PRKCQ: variants seen among roughly 807,000 people sequenced by gnomAD.
PRKCQ encodes the protein protein kinase C theta, also known as protein kinase C theta type.
PRKCQ carries 41 observed loss-of-function variants against 91.2 expected under a neutral mutation model. The ratio of observed to expected loss-of-function variants is 0.45; its 90% CI spans 0.35 to 0.58. The LOEUF (loss-of-function observed/expected upper bound fraction) is 0.58, where lower values mean the gene tolerates loss of function less well. Ranked by LOEUF, PRKCQ falls within the 20% of genes least tolerant of loss-of-function variation. The pLI, the probability that PRKCQ is intolerant of heterozygous loss-of-function variation, is 0.00. For missense variants in PRKCQ, 673 were observed against 896.5 expected (o/e 0.75, Z 3.18); for synonymous variants, 307 against 316.9 (o/e 0.97, Z 0.33).
At chr10:6,399,310 T>A in the PRKCQ span, among the ~76,000 whole-genome samples, 1 of 152,254 alleles carries the variant, frequency 6.6e-6, no homozygotes, top group African/African-American at 2.4e-5. Context: ...TATTTAAACA[T>A]AAACACACAG....
intron 12 of PRKCQ, among the ~76,000 whole-genome samples, chr10:6,475,827 C>T (rs1198997905): frequency 2.6e-5 from 4 of 152,206 alleles, no homozygotes; most frequent in Non-Finnish European, 5.9e-5. Flanking sequence ...AACAACAACT[C>T]GGGGTGTTGG....
the PRKCQ span, among the ~76,000 whole-genome samples, chr10:6,401,996 T>A: frequency 6.6e-6 from 1 of 152,110 alleles, no homozygotes; most frequent in African/African-American, 2.4e-5. Flanking sequence ...TCTGCCTCCC[T>A]CTAGTGACTC....
intron 16 of PRKCQ, among the ~76,000 whole-genome samples, chr10:6,433,047 A>G (rs1833499301): frequency 6.6e-6 from 1 of 152,150 alleles, no homozygotes; most frequent in African/African-American, 2.4e-5. Context: ...TGATCACCCT[A>G]TCATACATCA....
At chr10:6,547,579 A>G (rs530171928) in intron 1 of PRKCQ, among the ~76,000 whole-genome samples, 4 of 150,390 alleles carry the variant, frequency 2.7e-5, no homozygotes, top group East Asian at 3.9e-4. Flanking sequence ...ATAAGGCCAC[A>G]TATCTACAAC....
chr10:6,401,702 C>T, the PRKCQ span, among the ~76,000 whole-genome samples: 1 of 152,158 alleles, frequency 6.6e-6, no homozygotes, highest in African/African-American at 2.4e-5. Flanking sequence ...TGCTGAGTCA[C>T]GCTGTCTGCT....
At chr10:6,534,985 T>C (rs1588394425) in intron 1 of PRKCQ, among the ~76,000 whole-genome samples, 1 of 152,286 alleles carries the variant, frequency 6.6e-6, no homozygotes, top group Admixed American at 6.5e-5. Context: ...ATATATTTAT[T>C]CGGTTTGAAG....
intron 1 of PRKCQ, among the ~76,000 whole-genome samples, chr10:6,529,943 C>G (rs1349738752): frequency 1.3e-5 from 2 of 152,182 alleles, no homozygotes; most frequent in Non-Finnish European, 2.9e-5. Flanking sequence ...CATGAAAATA[C>G]CATAGGAACT....
chr10:6,514,569 C>A (rs547739342), intron 2 of PRKCQ, among the ~76,000 whole-genome samples: 3 of 152,316 alleles, frequency 2.0e-5, no homozygotes, highest in African/African-American at 7.2e-5. Context: ...ATTATAGATG[C>A]TTTGTAATAT....
intron 1 of PRKCQ, among the ~76,000 whole-genome samples, chr10:6,564,296 C>T (rs1002917507): frequency 2.6e-5 from 4 of 152,138 alleles, no homozygotes; most frequent in Admixed American, 1.3e-4. Context: ...GGAAACTAAA[C>T]GAGGTCCTCT....
chr10:6,398,514 C>T, the PRKCQ span, among the ~76,000 whole-genome samples: 1 of 152,178 alleles, frequency 6.6e-6, no homozygotes, highest in Non-Finnish European at 1.5e-5. Flanking sequence ...AATATGTTTT[C>T]TCATTCATTT....
intron 8 of PRKCQ, 25 bp downstream of exon 8, chr10:6,491,658 C>T (rs1256303027): frequency 3.7e-6 from 6 of 1,613,370 alleles, no homozygotes; most frequent in East Asian, 2.2e-5. Context: ...CACGTCGGGC[C>T]ATGCTCATCC....
At chr10:6,568,368 T>C (rs1191956726) in intron 1 of PRKCQ, among the ~76,000 whole-genome samples, 1 of 152,230 alleles carries the variant, frequency 6.6e-6, no homozygotes, top group Non-Finnish European at 1.5e-5. Context: ...CTATTTTTTC[T>C]TTATTAAAAT....
intron 1 of PRKCQ, among the ~76,000 whole-genome samples, chr10:6,553,500 A>ATAAAAG (rs58498156): frequency 8.2e-6 from 1 of 122,284 alleles, no homozygotes; most frequent in African/African-American, 3.1e-5. Flanking sequence ...AAAAAAAAAA[A>ATAAAAG]AAAAAAAAAA....
At chr10:6,456,627 T>G (rs538923898) in intron 15 of PRKCQ, 47 bp downstream of exon 15, 1 of 1,594,286 alleles carries the variant, frequency 6.3e-7, no homozygotes, top group Admixed American at 1.8e-5. Flanking sequence ...CAATGGCATG[T>G]GGCCAGGGCA....
the PRKCQ span, among the ~76,000 whole-genome samples, chr10:6,395,856 C>G: frequency 7.4e-4 from 113 of 152,222 alleles, 1 homozygote; most frequent in African/African-American, 2.6e-3. Flanking sequence ...GTGCCCTGTA[C>G]TGAGTATATT....
At chr10:6,544,278 G>A (rs1025669473) in intron 1 of PRKCQ, among the ~76,000 whole-genome samples, 1 of 152,140 alleles carries the variant, frequency 6.6e-6, no homozygotes, top group Non-Finnish European at 1.5e-5. Flanking sequence ...GATGGTTTGT[G>A]GATGGCTTTA....
chr10:6,540,146 A>G (rs1249041685), intron 1 of PRKCQ, among the ~76,000 whole-genome samples: 1 of 152,138 alleles, frequency 6.6e-6, no homozygotes, highest in Admixed American at 6.6e-5. Flanking sequence ...CCAGACACAC[A>G]AAGTTTGTCA....
At chr10:6,490,513 C>T (rs940316167) in intron 8 of PRKCQ, among the ~76,000 whole-genome samples, 5 of 150,784 alleles carry the variant, frequency 3.3e-5, no homozygotes, top group Non-Finnish European at 7.4e-5. Flanking sequence ...ATCGCTTGAA[C>T]CCAGGAGTTT....
Position 6,497,071 on chromosome 10 carries a change from C to T in PRKCQ, c.624G>A (p.Lys208=), listed in dbSNP as rs752600368. ...HKKCIDKVIA[K]CTGSAINSRE... ...GGCTATTGATAGCTGATCCTGTGCA[C>T]TTTGCTATAACTTTATCAATACACT... The change falls in exon 7 of 18, where the codon AAG becomes AAA. Residue 208 remains lysine (K), a synonymous_variant. Transcript: ENST00000263125. This position sits in a 1 kb window ranked among gnomAD's most constrained non-coding sequence, Gnocchi z 4.5. 1 of 1,613,380 alleles carries T rather than the reference C, an allele frequency of 6.2e-7. No homozygotes were observed. The highest frequency in any genetic ancestry group is 8.5e-7 in the Non-Finnish European group (1 of 1,180,032).
Sources: gnomAD v4.1 joint callset for allele counts (sites outside exome capture counted in the v4.1 genomes callset) on GRCh38, gnomAD v4.1.1 for gene constraint, Gnocchi (gnomAD v3.1) non-coding constraint, MANE v1.5 for transcripts, NCBI Gene and HGNC (gene_info 2026-07-23, HGNC 2026-07-21) for gene names.